MGAT4C: variants seen among roughly 807,000 people sequenced by gnomAD.
MGAT4C encodes MGAT4 family member C.
Under a neutral mutation model 40.1 loss-of-function variants are expected in MGAT4C, and 19 were observed. That is an observed-to-expected ratio of 0.47 (90% CI 0.33 to 0.70). The LOEUF is 0.70. MGAT4C is among the 30% of genes least tolerant of loss of function. The pLI is 0.02. For missense variants in MGAT4C, 491 were observed against 563.2 expected, an observed-to-expected ratio of 0.87 and a Z score of 1.30; for synonymous variants, 181 against 187.1, an observed-to-expected ratio of 0.97 and a Z score of 0.27.
At chr12:86,560,655 ATG>A (rs1959818770) in intron 2 of MGAT4C, among the ~76,000 whole-genome samples, 1 of 152,176 alleles carries the variant, frequency 6.6e-6, no homozygotes, top group Non-Finnish European at 1.5e-5. Context: ...CCAAAAAGTC[ATG>A]TATGACAAGC....
intron 2 of MGAT4C, among the ~76,000 whole-genome samples, chr12:86,644,131 TATTA>T (rs1455717159): frequency 6.6e-6 from 1 of 151,666 alleles, no homozygotes; most frequent in African/African-American, 2.4e-5. Flanking sequence ...TATAATGCTT[TATTA>T]ATTAACATAG....
At chr12:86,695,824 C>G (rs1280511843) in intron 2 of MGAT4C, among the ~76,000 whole-genome samples, 3 of 150,938 alleles carry the variant, frequency 2.0e-5, no homozygotes, top group Non-Finnish European at 3.0e-5. Flanking sequence ...TTAATAGGTA[C>G]AAAAAAATAG....
chr12:86,501,291 T>A (rs1958335888), intron 2 of MGAT4C, among the ~76,000 whole-genome samples: 1 of 152,086 alleles, frequency 6.6e-6, no homozygotes, highest in South Asian at 2.1e-4. Context: ...ATTTTAAAAA[T>A]TATTTTTATT....
intron 2 of MGAT4C, among the ~76,000 whole-genome samples, chr12:86,500,553 C>T (rs947474404): frequency 6.6e-6 from 1 of 151,600 alleles, no homozygotes; most frequent in Non-Finnish European, 1.5e-5. Flanking sequence ...AGAAATAATC[C>T]TTTATTTATT....
At chr12:86,034,333 A>T (rs1159027689) in intron 2 of MGAT4C, among the ~76,000 whole-genome samples, 1 of 148,950 alleles carries the variant, frequency 6.7e-6, no homozygotes, top group Non-Finnish European at 1.5e-5. Context: ...AATAGTACCC[A>T]CTCTTCTTTA....
At chr12:86,597,694 G>T (rs1961594219) in intron 2 of MGAT4C, among the ~76,000 whole-genome samples, 1 of 152,042 alleles carries the variant, frequency 6.6e-6, no homozygotes, top group South Asian at 2.1e-4. Flanking sequence ...GACCACACAG[G>T]AGCTGACTTA....
intron 2 of MGAT4C, among the ~76,000 whole-genome samples, chr12:86,611,193 T>G (rs1050157035): frequency 6.6e-6 from 1 of 152,078 alleles, no homozygotes; most frequent in Non-Finnish European, 1.5e-5. Context: ...ACAAAAATTT[T>G]AAAGGATAGA....
At chr12:86,239,588 T>G (rs17013833) in intron 1 of MGAT4C, among the ~76,000 whole-genome samples, 15 of 152,016 alleles carry the variant, frequency 9.9e-5, no homozygotes, top group Admixed American at 2.0e-4. Context: ...CTTGGAGCAT[T>G]CTTATGTGGA....
At chr12:86,015,882 C>T (rs957302817) in intron 2 of MGAT4C, 2 of 152,242 alleles carry the variant, frequency 1.3e-5, no homozygotes, top group Admixed American at 6.5e-5. Flanking sequence ...GTTTTGGACA[C>T]GTGAAGCTGG....
chr12:86,241,873 G>A (rs1951802885), intron 1 of MGAT4C, among the ~76,000 whole-genome samples: 1 of 152,056 alleles, frequency 6.6e-6, no homozygotes. Flanking sequence ...TGTCTGACTT[G>A]GCCCAATAAG....
At chr12:86,612,624 C>T (rs1217301747) in intron 2 of MGAT4C, among the ~76,000 whole-genome samples, 1 of 151,480 alleles carries the variant, frequency 6.6e-6, no homozygotes, top group Non-Finnish European at 1.5e-5. Context: ...ATCTGTAGTA[C>T]CAGCTCTCAG....
intron 1 of MGAT4C, among the ~76,000 whole-genome samples, chr12:86,057,098 C>A (rs952433745): frequency 3.3e-5 from 5 of 151,700 alleles, no homozygotes; most frequent in Non-Finnish European, 5.9e-5. Context: ...CTTTTATATC[C>A]TTTAGACCTC....
chr12:86,051,220 T>C (rs2136968419), intron 1 of MGAT4C, among the ~76,000 whole-genome samples: 1 of 152,184 alleles, frequency 6.6e-6, no homozygotes. Context: ...ACCAGAACTC[T>C]TGTAATTGGT....
intron 2 of MGAT4C, among the ~76,000 whole-genome samples, chr12:86,722,837 G>T (rs1950759236): frequency 6.6e-6 from 1 of 152,132 alleles, no homozygotes; most frequent in Non-Finnish European, 1.5e-5. Flanking sequence ...GGCTTTGGAG[G>T]TTATAAAGGG....
intron 1 of MGAT4C, among the ~76,000 whole-genome samples, chr12:86,067,935 G>T (rs1283849418): frequency 3.3e-5 from 5 of 152,116 alleles, no homozygotes; most frequent in Non-Finnish European, 7.4e-5. Flanking sequence ...CGTCATCACA[G>T]CATGTAGATC....
intron 1 of MGAT4C, among the ~76,000 whole-genome samples, chr12:86,746,979 G>T (rs1260153055): frequency 1.3e-5 from 2 of 151,586 alleles, no homozygotes; most frequent in Non-Finnish European, 3.0e-5. Context: ...TCCATCCTCT[G>T]ATGTACTTAC....
chr12:86,096,212 G>A (rs1460553655), intron 1 of MGAT4C, among the ~76,000 whole-genome samples: 2 of 151,586 alleles, frequency 1.3e-5, no homozygotes, highest in African/African-American at 2.4e-5. Flanking sequence ...ATTCTCTTAA[G>A]TTCAGTAGTC....
intron 2 of MGAT4C, among the ~76,000 whole-genome samples, chr12:86,491,603 T>G (rs1394063303): frequency 6.6e-6 from 1 of 152,014 alleles, no homozygotes; most frequent in Non-Finnish European, 1.5e-5. Context: ...CAACGCTTCA[T>G]GCTAAAAACT....
intron 1 of MGAT4C, among the ~76,000 whole-genome samples, chr12:86,132,630 A>G (rs1159852666): frequency 3.3e-5 from 5 of 152,044 alleles, no homozygotes; most frequent in Admixed American, 3.3e-4. Flanking sequence ...CGTCTCTACT[A>G]AACATACAAA....
Sources: gnomAD v4.1 joint callset for allele counts (sites outside exome capture counted in the v4.1 genomes callset) on GRCh38, gnomAD v4.1.1 for gene constraint, MANE v1.5 for transcripts, NCBI Gene and HGNC (gene_info 2026-07-23, HGNC 2026-07-21) for gene names.